The following CDH13 variants were observed in gnomAD, a reference collection of about 807,000 sequenced individuals.
The protein encoded by CDH13 is cadherin-13.
CDH13 carries 24 observed loss-of-function variants against 63.8 expected under a neutral mutation model. The observed-to-expected ratio is 0.38, with a 90% confidence interval of 0.27 to 0.53. CDH13 has a LOEUF of 0.53. Ranked by LOEUF, CDH13 falls within the 20% of genes least tolerant of loss-of-function variation. The pLI is 0.85. For missense variants in CDH13, 1,049 were observed against 903.1 expected (o/e 1.16, Z -2.07); for synonymous variants, 503 against 355.3 (o/e 1.42, Z -4.67).
chr16:83,611,392 T>C lies in CDH13; in HGVS notation c.1101+8798T>C, dbSNP rs547988454. ...ATGTATATTTCAATTTGCCAATTTG[T>C]GTTTTTCCAGGAATTTGTCCATTTC... On this transcript the variant is annotated intron_variant, in intron 8 of 13. Transcript: ENST00000567109. 2.0e-4 allele frequency among the ~76,000 whole-genome samples: 31 copies of C among 152,248 alleles called. 1 individual carries two copies. The East Asian group carries it at 5.6e-3, about 27-fold the overall frequency.
At chr16:83,527,478 G>A (rs1391009776) in intron 7 of CDH13, among the ~76,000 whole-genome samples, 1 of 152,106 alleles carries the variant, frequency 6.6e-6, no homozygotes, top group African/African-American at 2.4e-5. Context: ...ATTAAGAATG[G>A]GAATTCAGAT....
At position 82,962,356 on chromosome 16, in the gene CDH13, G is replaced by A. The variant is rs548674277; in HGVS notation, c.158-69654G>A. 5.3e-5 allele frequency among the ~76,000 whole-genome samples: 8 copies of A among 152,318 alleles called. No individual in the cohort carries two copies. In the East Asian group the frequency reaches 1.4e-3, roughly 26 times the overall value. On this transcript the variant is annotated intron_variant, in intron 2 of 13. Coordinates refer to ENST00000567109, the MANE Select transcript of CDH13 (RefSeq NM_001257.5). ...CTTTTTTAGAGACTTCCAAAAAAGC[G>A]TGGCCCTGCTGACACCTTGATTTAG...
intron 10 of CDH13, among the ~76,000 whole-genome samples, chr16:83,710,699 CT>C (rs1907905022): frequency 3.3e-5 from 5 of 152,148 alleles, no homozygotes; most frequent in African/African-American, 1.2e-4. Context: ...GTTTCCTTGT[CT>C]TGGGAATTAA....
intron 8 of CDH13, among the ~76,000 whole-genome samples, chr16:83,667,011 A>G (rs900193171): frequency 4.7e-5 from 6 of 126,358 alleles, no homozygotes; most frequent in East Asian, 2.2e-4. Context: ...GGATGGATGG[A>G]TGGATGGATG....
At chr16:83,088,781 G>T (rs1388139795) in intron 3 of CDH13, among the ~76,000 whole-genome samples, 1 of 152,122 alleles carries the variant, frequency 6.6e-6, no homozygotes, top group African/African-American at 2.4e-5. Context: ...GAGCTTTATG[G>T]TAATTTTTTT....
intron 3 of CDH13, among the ~76,000 whole-genome samples, chr16:83,085,397 G>C (rs765774333): frequency 6.6e-6 from 1 of 152,096 alleles, no homozygotes; most frequent in Non-Finnish European, 1.5e-5. Context: ...GATTTGGGTG[G>C]GGACACAGTC....
intron 4 of CDH13, among the ~76,000 whole-genome samples, chr16:83,195,038 T>G (rs2038838200): frequency 6.6e-6 from 1 of 152,234 alleles, no homozygotes; most frequent in East Asian, 1.9e-4. Context: ...TCTTTCTCTT[T>G]GTTTGAGTAA....
At chr16:83,451,096 C>A (rs74249530) in intron 6 of CDH13, among the ~76,000 whole-genome samples, 23,691 of 152,124 alleles carry the variant, frequency 0.16, 1,933 homozygotes, top group Admixed American at 0.23. Context: ...GAAACACCTT[C>A]TTCAAGGAGT....
chr16:82,917,173 A>C (rs2042014876), intron 2 of CDH13, among the ~76,000 whole-genome samples: 1 of 152,208 alleles, frequency 6.6e-6, no homozygotes, highest in Non-Finnish European at 1.5e-5. Flanking sequence ...GCTTACAAAT[A>C]AGAGAGAAGA....
At chr16:83,033,059 C>T (rs932125059) in intron 3 of CDH13, among the ~76,000 whole-genome samples, 2 of 151,962 alleles carry the variant, frequency 1.3e-5, no homozygotes, top group African/African-American at 2.4e-5. Flanking sequence ...TATGTGTATA[C>T]CATATACAGG....
At chr16:83,101,742 C>T (rs942421957) in intron 3 of CDH13, among the ~76,000 whole-genome samples, 8 of 152,104 alleles carry the variant, frequency 5.3e-5, no homozygotes, top group South Asian at 2.1e-4. Context: ...TGCAGTAAGC[C>T]GAGATCGTGC....
chr16:82,849,098 CTA>C (rs1430505293), intron 1 of CDH13, among the ~76,000 whole-genome samples: 1 of 152,112 alleles, frequency 6.6e-6, no homozygotes, highest in African/African-American at 2.4e-5. Flanking sequence ...GGCCTTAACT[CTA>C]TTCAATTTTC....
chr16:83,660,892 C>T (rs533947853), intron 8 of CDH13, among the ~76,000 whole-genome samples: 8 of 151,850 alleles, frequency 5.3e-5, no homozygotes, highest in East Asian at 3.9e-4. Context: ...GAGCTACTAA[C>T]GTCCAATGAA....
intron 10 of CDH13, among the ~76,000 whole-genome samples, chr16:83,708,715 C>G (rs565896733): frequency 1.3e-5 from 2 of 152,116 alleles, no homozygotes; most frequent in Non-Finnish European, 2.9e-5. Flanking sequence ...CCATTTTCAC[C>G]ATAAAAGTCC....
chr16:83,321,843 G>C (rs1310915906), intron 5 of CDH13, among the ~76,000 whole-genome samples: 2 of 152,128 alleles, frequency 1.3e-5, no homozygotes, highest in Non-Finnish European at 2.9e-5. Flanking sequence ...CTGGAATTTT[G>C]TTAAACACTT....
At chr16:83,295,939 T>G (rs2089585237) in intron 5 of CDH13, among the ~76,000 whole-genome samples, 1 of 152,204 alleles carries the variant, frequency 6.6e-6, no homozygotes, top group African/African-American at 2.4e-5. Context: ...AGTGGATCAA[T>G]GGATCAATGG....
chr16:83,783,204 A>G (rs764406530), intron 12 of CDH13, 50 bp from the exon 13 acceptor site: 27 of 1,300,172 alleles, frequency 2.1e-5, no homozygotes, highest in East Asian at 2.4e-5. Flanking sequence ...TCACTCTTTT[A>G]TTGGAAAAAG....
intron 10 of CDH13, among the ~76,000 whole-genome samples, chr16:83,715,935 T>G (rs1908833939): frequency 6.6e-6 from 1 of 152,212 alleles, no homozygotes; most frequent in African/African-American, 2.4e-5. Flanking sequence ...TTGCAGTAAT[T>G]TTCTCTCCAT....
intron 4 of CDH13, among the ~76,000 whole-genome samples, chr16:83,173,741 T>C (rs188592050): frequency 6.6e-6 from 1 of 152,198 alleles, no homozygotes; most frequent in African/African-American, 2.4e-5. Context: ...CCTCTCCCAA[T>C]CTTCTGGGCC....
Sources: gnomAD v4.1 joint callset for allele counts (sites outside exome capture counted in the v4.1 genomes callset) on GRCh38, gnomAD v4.1.1 for gene constraint, MANE v1.5 for transcripts, NCBI Gene and HGNC (gene_info 2026-07-23, HGNC 2026-07-21) for gene names.